The following SAMD4B variants were observed in gnomAD, a reference collection of about 807,000 sequenced individuals.
SAMD4B encodes the protein sterile alpha motif domain containing 4B.
A neutral mutation model predicts 74.5 loss-of-function variants in SAMD4B; 5 were observed. The ratio of observed to expected loss-of-function variants is 0.07; its 90% CI spans 0.04 to 0.14. SAMD4B has a LOEUF of 0.14. Among genes scored for constraint, SAMD4B ranks in the 10% least tolerant of loss-of-function variants. The pLI, the probability that SAMD4B is intolerant of heterozygous loss-of-function variation, is 1.00. For missense variants in SAMD4B, 608 were observed against 921.8 expected, an observed-to-expected ratio of 0.66 and a Z score of 4.41; for synonymous variants, 373 against 374.9, an observed-to-expected ratio of 1.00 and a Z score of 0.06.
chr19:39,342,893 C>T (rs1315754934), intron 1 of SAMD4B, among the ~76,000 whole-genome samples: 2 of 150,500 alleles, frequency 1.3e-5, no homozygotes, highest in South Asian at 2.1e-4. Context: ...CGGAGAGCCC[C>T]GGAAAGCCTG....
chr19:39,367,718 A>G (rs1199863315), intron 3 of SAMD4B, among the ~76,000 whole-genome samples: 1 of 150,860 alleles, frequency 6.6e-6, no homozygotes. Flanking sequence ...CATGTCGGCC[A>G]GGCTGGTCTC....
At chr19:39,349,525 A>G (rs1265825819) in intron 1 of SAMD4B, among the ~76,000 whole-genome samples, 1 of 152,130 alleles carries the variant, frequency 6.6e-6, no homozygotes, top group Non-Finnish European at 1.5e-5. Context: ...TTGCTAATGC[A>G]GTGGTGTACA....
At chr19:39,381,449 T>C (rs373305479) in intron 12 of SAMD4B, among the ~76,000 whole-genome samples, 40 of 152,222 alleles carry the variant, frequency 2.6e-4, no homozygotes, top group Middle Eastern at 6.8e-3. Context: ...AATACTCAAC[T>C]TAGAAGGGGT....
intron 1 of SAMD4B, among the ~76,000 whole-genome samples, chr19:39,346,227 G>T (rs1568340848): frequency 1.3e-5 from 2 of 152,178 alleles, no homozygotes; most frequent in Non-Finnish European, 2.9e-5. Flanking sequence ...TAGAAATTCA[G>T]CAGTGAGAGG....
At chr19:39,366,934 ATC>A (rs2076995025) in intron 3 of SAMD4B, among the ~76,000 whole-genome samples, 1 of 152,130 alleles carries the variant, frequency 6.6e-6, no homozygotes, top group African/African-American at 2.4e-5. Context: ...TGCCTTTAGA[ATC>A]TCTGTGTGTA....
In SAMD4B at chr19:39,342,464, C is replaced by A. The variant is rs1054671311; in HGVS notation, c.-379C>A. On this transcript the variant is annotated 5_prime_UTR_variant, in exon 1 of 14. Coordinates refer to ENST00000610417, the MANE Select transcript of SAMD4B (RefSeq NM_001384574.2). ...GCGACGGCGGCGGCGGCGGCGGCGG[C>A]GGTGGTCGGTGCGGGAGGAGGGAGG... is the stretch of plus-strand genomic sequence containing the variant. The A allele has an allele frequency of 5.7e-6, 1 of 176,314 alleles. No individual in the cohort carries two copies. The highest frequency in any genetic ancestry group is 1.1e-5 in the Non-Finnish European group (1 of 87,876). The allele number at this position is 176,314 out of a possible 1,614,324, so 10.9% of individuals were successfully genotyped here.
Position 39,380,019 on chromosome 19 carries a change from G to A in SAMD4B, c.1584G>A (p.Leu528=). 6.2e-7 allele frequency: 1 copy of A among 1,613,986 alleles called. No homozygotes were observed. Among genetic ancestry groups the A allele is most frequent in the Admixed American group, 1.7e-5 (1 of 59,994 alleles). ...TGCTATCCTGGAAACAGCAAGTGCT[G>A]AAGCTCCTCCGGACATTCCCGCGCA... ...KRLLSWKQQV[L]KLLRTFPRKA... The change falls in exon 10 of 14, where the codon CTG becomes CTA. Residue 528 remains leucine, a synonymous_variant. Transcript: ENST00000610417.
In SAMD4B at chr19:39,377,521, C is replaced by G. The variant is rs1426195566; in HGVS notation, c.1141C>G (p.Gln381Glu). ...AGGCGGGAACCTACGAAACGCTCTG[C>G]AGGAGCTGCAGCAGATCATCATCAC... is the stretch of plus-strand genomic sequence containing the variant. ...LEGGNLRNAL[Q>E]ELQQIIITPI... is the part of the protein sequence containing the mutation. Residue 381 changes from glutamine (Q) to glutamate (E), a missense_variant, in exon 8 of 14, where the codon CAG becomes GAG. Physicochemically the swap from Gln to Glu is conservative, Grantham distance 29 (BLOSUM62 2). Around this residue, in one of 9 missense-constraint regions of SAMD4B, gnomAD observed 39 missense variants for 125.3 expected, o/e 0.31. Transcript: ENST00000610417. 6.3e-7 allele frequency: 1 copy of G among 1,590,800 alleles called. No homozygotes were observed. The highest frequency in any genetic ancestry group is 2.3e-5 in the East Asian group (1 of 44,390).
downstream of SAMD4B, chr19:39,390,059 T>G (rs2078342125): frequency 1.9e-6 from 3 of 1,605,948 alleles, no homozygotes; most frequent in Non-Finnish European, 2.6e-6. Context: ...TTCCCATTCC[T>G]TAGTCTCACC....
At chr19:39,368,724 AG>A (rs2077120326) in intron 3 of SAMD4B, among the ~76,000 whole-genome samples, 1 of 152,358 alleles carries the variant, frequency 6.6e-6, no homozygotes, top group Admixed American at 6.5e-5. Context: ...AACAATAGCA[AG>A]CATTTATTAT....
chr19:39,370,404 A>G (rs2077218620), intron 4 of SAMD4B, among the ~76,000 whole-genome samples: 1 of 152,244 alleles, frequency 6.6e-6, no homozygotes, highest in South Asian at 2.1e-4. Context: ...TTCCCTAAAA[A>G]TGAGATTTCC....
the SAMD4B span, chr19:39,390,725 C>T: frequency 3.8e-6 from 5 of 1,330,060 alleles, no homozygotes; most frequent in South Asian, 1.3e-5. Flanking sequence ...CGCTTCATGA[C>T]GTCACGGGCA....
rs2078150070 is a variant in SAMD4B, at chr19:39,383,806, C to G, written c.*279C>G. 8.0e-7 allele frequency: 1 copy of G among 1,242,400 alleles called. No homozygotes were observed. The allele number at this position is 1,242,400 out of a possible 1,614,324, so 77.0% of individuals were successfully genotyped here. ...ACTGCCTGCCTCTCTCCTTTCCTTC[C>G]TCATCCCCACCTGGTCCCATCCCAC... is the stretch of plus-strand genomic sequence containing the variant. On this transcript the variant is annotated 3_prime_UTR_variant, in exon 14 of 14. Coordinates refer to ENST00000610417, the MANE Select transcript of SAMD4B (RefSeq NM_001384574.2). This position sits in a 1 kb window ranked among gnomAD's most constrained non-coding sequence, Gnocchi z 4.1.
At chr19:39,344,727 G>C (rs1411975478) in intron 1 of SAMD4B, among the ~76,000 whole-genome samples, 1 of 152,018 alleles carries the variant, frequency 6.6e-6, no homozygotes, top group Non-Finnish European at 1.5e-5. Flanking sequence ...CGTTGCCCAA[G>C]AGCCTCTATG....
chr19:39,380,639 G>A lies in SAMD4B; in HGVS notation c.1702G>A (p.Val568Met), dbSNP rs1291130958. The A allele has an allele frequency of 6.2e-7, 1 of 1,614,158 alleles. No homozygotes were observed. Among genetic ancestry groups the A allele is most frequent in the Non-Finnish European group, 8.5e-7 (1 of 1,180,024 alleles). The stretch of plus-strand genomic sequence containing the variant: ...CATAGCTGGCTCTGTGGGGATGGGA[G>A]TGGCCCGGCGTACCCAGCGGCAGTT... The part of the protein sequence containing the change: ...LPIAGSVGMG[V>M]ARRTQRQFPM... Residue 568 changes from valine (V) to methionine (M), a missense_variant, in exon 11 of 14, where the codon GTG becomes ATG. Physicochemically the swap from Val to Met is conservative, Grantham distance 21 (BLOSUM62 1). This residue lies in a region of SAMD4B where 167 missense variants were observed against 193.0 expected (regional missense o/e 0.87). Transcript: ENST00000610417.
At chr19:39,389,955 A>G, downstream of SAMD4B, 1 of 1,051,150 alleles carries the variant, frequency 9.5e-7, no homozygotes, top group Non-Finnish European at 1.5e-6. The surrounding 1 kb of genome is among the most constrained non-coding windows in gnomAD (Gnocchi z 5.3). Context: ...AGCTACTACT[A>G]TGTGCTAGGG....
rs760110501 is a variant in SAMD4B, at chr19:39,380,576, C to T, written c.1650-11C>T. The T allele has an allele frequency of 8.7e-6, 14 of 1,613,930 alleles. No individual in the cohort carries two copies. The South Asian group carries it at 1.4e-4, about 16-fold the overall frequency. ...ATGTAAATTAACACCCTGCCTTCTG[C>T]TCTCTCATAGCTGGGCATTCGGCTC... On this transcript the variant is annotated splice_polypyrimidine_tract_variant and intron_variant, in intron 10 of 13. Coordinates refer to ENST00000610417, the MANE Select transcript of SAMD4B (RefSeq NM_001384574.2).
At chr19:39,379,179 CT>C (rs1339558624) in intron 9 of SAMD4B, among the ~76,000 whole-genome samples, 7 of 151,682 alleles carry the variant, frequency 4.6e-5, no homozygotes, top group Non-Finnish European at 1.0e-4. Context: ...TGACGATTTT[CT>C]TTTTTAGAGA....
intron 3 of SAMD4B, among the ~76,000 whole-genome samples, chr19:39,365,655 C>CT (rs906728168): frequency 1.3e-5 from 2 of 152,212 alleles, no homozygotes; most frequent in African/African-American, 4.8e-5. Flanking sequence ...CTTCCCAAAT[C>CT]TGTTTTCTCA....
Sources: allele counts gnomAD v4.1 joint callset (sites outside exome capture counted in the v4.1 genomes callset), GRCh38; gene constraint gnomAD v4.1.1; regional missense constraint gnomAD v4.1.1; non-coding constraint Gnocchi (gnomAD v3.1); transcripts MANE v1.5; gene names NCBI Gene and HGNC (gene_info 2026-07-23, HGNC 2026-07-21).